The following TNIK variants were observed in gnomAD, a reference collection of about 807,000 sequenced individuals.
TNIK encodes TRAF2 and NCK interacting kinase.
Under a neutral mutation model 191.3 loss-of-function variants are expected in TNIK, and 49 were observed. The ratio of observed to expected loss-of-function variants is 0.26; its 90% CI spans 0.20 to 0.32. The LOEUF (loss-of-function observed/expected upper bound fraction) is 0.32, where lower values mean the gene tolerates loss of function less well. Ranked by LOEUF, TNIK falls within the 10% of genes least tolerant of loss-of-function variation. TNIK has a pLI of 1.00. For synonymous variants in TNIK, 594 were observed against 600.9 expected (o/e 0.99, Z 0.17); for missense variants, 1,155 against 1,702.3 (o/e 0.68, Z 5.66).
chr3:171,166,969 A>T, intron 10 of TNIK, 126 bp downstream of exon 10: 1 of 1,220,810 alleles, frequency 8.2e-7, no homozygotes, highest in Non-Finnish European at 1.1e-6. Flanking sequence ...TCTCAGAGAC[A>T]GCCCCTCGCA....
At position 171,084,302 on chromosome 3, in the gene TNIK, T is replaced by C. The variant is rs1721066658; in HGVS notation, c.3022A>G (p.Arg1008Gly). The C allele has an allele frequency of 6.2e-7, 1 of 1,613,142 alleles. No individual in the cohort carries two copies. The highest frequency in any genetic ancestry group is 2.2e-5 in the East Asian group (1 of 44,868). Residue 1008 changes from arginine (R) to glycine (G), a missense_variant, in exon 26 of 33, where the codon AGG becomes GGG. Physicochemically the swap from Arg to Gly is moderately radical, Grantham distance 125. Around this residue, in one of 3 missense-constraint regions of TNIK, gnomAD observed 735 missense variants for 848.0 expected, o/e 0.87. Coordinates refer to ENST00000436636, the MANE Select transcript of TNIK (RefSeq NM_015028.4). ...TCATTGAGTTTGGCCTGTTCTTGCC[T>C]AAGAAGTTCGCTAGTAAACAGAGCT... Reference protein sequence around the residue: ...AAALFTSELLRQEQAKLNEAR... With the variant: ...AAALFTSELLGQEQAKLNEAR...
intron 12 of TNIK, among the ~76,000 whole-genome samples, chr3:171,156,384 C>T (rs1733178559): frequency 6.6e-6 from 1 of 152,222 alleles, no homozygotes; most frequent in African/African-American, 2.4e-5. Flanking sequence ...CTGCAATTCA[C>T]CACCCTCTAA....
intron 2 of TNIK, among the ~76,000 whole-genome samples, chr3:171,267,475 T>C (rs1210882878): frequency 6.6e-6 from 1 of 152,260 alleles, no homozygotes; most frequent in African/African-American, 2.4e-5. Context: ...CTCCCAGGTC[T>C]GATTTATCCT....
At chr3:171,226,209 C>T (rs774847091) in intron 3 of TNIK, among the ~76,000 whole-genome samples, 3 of 152,058 alleles carry the variant, frequency 2.0e-5, no homozygotes, top group Non-Finnish European at 4.4e-5. Context: ...TTCTAGCTTC[C>T]CTTGCAGCTA....
At chr3:171,219,288 A>G (rs988217807) in intron 3 of TNIK, among the ~76,000 whole-genome samples, 1 of 144,860 alleles carries the variant, frequency 6.9e-6, no homozygotes, top group African/African-American at 2.5e-5. Flanking sequence ...ATATATAATG[A>G]TATATATCAT....
At chr3:171,201,638 T>C (rs1443428724) in intron 4 of TNIK, among the ~76,000 whole-genome samples, 1 of 152,136 alleles carries the variant, frequency 6.6e-6, no homozygotes. Context: ...AGGTTAAGTC[T>C]CAAAATATAA....
At chr3:171,316,535 G>A (rs1754614618) in intron 2 of TNIK, among the ~76,000 whole-genome samples, 1 of 152,102 alleles carries the variant, frequency 6.6e-6, no homozygotes, top group African/African-American at 2.4e-5. Flanking sequence ...ATGGTCTTCG[G>A]GAGAACAGTT....
At chr3:171,459,864 A>C in intron 1 of TNIK, 143 bp downstream of exon 1, 1 of 1,053,272 alleles carries the variant, frequency 9.5e-7, no homozygotes. Context: ...GCAACCCCGA[A>C]TCAAAACGGG....
chr3:171,150,155 G>C (rs570429085), intron 12 of TNIK, among the ~76,000 whole-genome samples: 14 of 152,198 alleles, frequency 9.2e-5, no homozygotes, highest in Non-Finnish European at 1.6e-4. Context: ...CCTGGAAAGA[G>C]ATGACCCAGG....
At chr3:171,400,572 CAATAAATA>C (rs10529118) in intron 1 of TNIK, among the ~76,000 whole-genome samples, 9 of 145,744 alleles carry the variant, frequency 6.2e-5, no homozygotes, top group African/African-American at 2.3e-4. Context: ...TCCTATCTCA[CAATAAATA>C]AATAAATAAA....
chr3:171,376,613 G>C (rs1021378486), intron 1 of TNIK, among the ~76,000 whole-genome samples: 1 of 152,138 alleles, frequency 6.6e-6, no homozygotes, highest in Non-Finnish European at 1.5e-5. Flanking sequence ...GGTGCTCCAA[G>C]AGTATTGATC....
chr3:171,290,433 A>G (rs2108232970), intron 2 of TNIK, among the ~76,000 whole-genome samples: 1 of 152,348 alleles, frequency 6.6e-6, no homozygotes, highest in South Asian at 2.1e-4. Context: ...CATTGACTCT[A>G]TTTTGAGTAT....
At chr3:171,400,804 T>C (rs1330136314) in intron 1 of TNIK, among the ~76,000 whole-genome samples, 1 of 152,150 alleles carries the variant, frequency 6.6e-6, no homozygotes, top group Admixed American at 6.5e-5. Flanking sequence ...CTAAGCACCA[T>C]ATGCCCCCAA....
chr3:171,066,524 G>C (rs778834821), intron 31 of TNIK, 52 bp downstream of exon 31: 1 of 1,515,506 alleles, frequency 6.6e-7, no homozygotes, highest in Non-Finnish European at 8.9e-7. Context: ...CTTGATTTTC[G>C]TTTCATTTGG....
chr3:171,274,959 T>C (rs1459270637), intron 2 of TNIK, among the ~76,000 whole-genome samples: 4 of 152,202 alleles, frequency 2.6e-5, no homozygotes, highest in Non-Finnish European at 4.4e-5. Flanking sequence ...AGAATGAGCA[T>C]GAGCTGTGAG....
At chr3:171,455,147 A>G (rs1475274151) in intron 1 of TNIK, among the ~76,000 whole-genome samples, 1 of 152,216 alleles carries the variant, frequency 6.6e-6, no homozygotes, top group African/African-American at 2.4e-5. Context: ...ACAAGGTCAC[A>G]TTGGTACACA....
At chr3:171,209,802 A>G (rs1231064987) in intron 4 of TNIK, among the ~76,000 whole-genome samples, 1 of 152,116 alleles carries the variant, frequency 6.6e-6, no homozygotes, top group Non-Finnish European at 1.5e-5. Flanking sequence ...ATTAAATGAC[A>G]TGAAAATCTT....
At position 171,396,768 on chromosome 3, in the gene TNIK, C is replaced by G. The variant is rs139357723; in HGVS notation, c.58-27083G>C. 2.0e-3 allele frequency among the ~76,000 whole-genome samples: 301 copies of G among 152,292 alleles called. 1 individual carries two copies. Among genetic ancestry groups the G allele is most frequent in the African/African-American group, 6.9e-3 (287 of 41,560 alleles). ...AAGACTTAGTAGAAACAAGGCTCTT[C>G]CACTTCCTAGCCATTCTCAGTTGAT... On this transcript the variant is annotated intron_variant, in intron 1 of 32. Coordinates refer to ENST00000436636, the MANE Select transcript of TNIK (RefSeq NM_015028.4).
intron 2 of TNIK, among the ~76,000 whole-genome samples, chr3:171,312,707 AACTT>A (rs1158578773): frequency 1.3e-5 from 2 of 152,198 alleles, no homozygotes; most frequent in African/African-American, 4.8e-5. Context: ...ATGGTGCTGA[AACTT>A]AATAAATTGC....
Sources: allele counts gnomAD v4.1 joint callset (sites outside exome capture counted in the v4.1 genomes callset), GRCh38; gene constraint gnomAD v4.1.1; regional missense constraint gnomAD v4.1.1; transcripts MANE v1.5; gene names NCBI Gene and HGNC (gene_info 2026-07-23, HGNC 2026-07-21).